Variants in ADAM19 observed in about 807,000 individuals in gnomAD.
ADAM19 encodes the protein disintegrin and metalloproteinase domain-containing protein 19.
A neutral mutation model predicts 114.7 loss-of-function variants in ADAM19; 65 were observed. That is an observed-to-expected ratio of 0.57 (90% CI 0.46 to 0.70). ADAM19 has a LOEUF of 0.70. Among genes scored for constraint, ADAM19 ranks in the 30% least tolerant of loss-of-function variants. ADAM19 has a pLI of 0.00. For missense variants in ADAM19, 1,063 were observed against 1,204.7 expected (o/e 0.88, Z 1.74); for synonymous variants, 466 against 460.5 (o/e 1.01, Z -0.15).
chr5:157,563,751 C>T (rs1757575428), intron 3 of ADAM19, among the ~76,000 whole-genome samples: 1 of 152,172 alleles, frequency 6.6e-6, no homozygotes, highest in East Asian at 1.9e-4. Flanking sequence ...TTCACCTCCT[C>T]CATTACATGA....
At chr5:157,483,990 A>G (rs747622954) in intron 21 of ADAM19, among the ~76,000 whole-genome samples, 14 of 151,572 alleles carry the variant, frequency 9.2e-5, no homozygotes, top group Non-Finnish European at 1.8e-4. Context: ...TTGCCTGTTA[A>G]GATTAAAACA....
intron 1 of ADAM19, among the ~76,000 whole-genome samples, chr5:157,571,405 C>T (rs1757824271): frequency 6.6e-6 from 1 of 152,074 alleles, no homozygotes; most frequent in Admixed American, 6.6e-5. Context: ...AGTGCAATGG[C>T]CCTGCCTGAG....
intron 4 of ADAM19, among the ~76,000 whole-genome samples, chr5:157,532,038 C>T (rs569459869): frequency 5.3e-4 from 80 of 152,338 alleles, no homozygotes; most frequent in Non-Finnish European, 9.6e-4. Flanking sequence ...AGGAAACAAA[C>T]ACTCCCTACT....
intron 5 of ADAM19, among the ~76,000 whole-genome samples, chr5:157,524,744 G>T (rs1364119342): frequency 6.6e-6 from 1 of 152,172 alleles, no homozygotes; most frequent in Non-Finnish European, 1.5e-5. Context: ...TCAAACTCTG[G>T]CTGTGCTGTC....
At chr5:157,519,262 T>C (rs1437705962) in intron 6 of ADAM19, among the ~76,000 whole-genome samples, 1 of 152,240 alleles carries the variant, frequency 6.6e-6, no homozygotes, top group Non-Finnish European at 1.5e-5. Context: ...ATATGAGGAC[T>C]GTGTGCATAT....
At chr5:157,517,429 G>A (rs1393321307) in intron 7 of ADAM19, among the ~76,000 whole-genome samples, 1 of 152,188 alleles carries the variant, frequency 6.6e-6, no homozygotes, top group East Asian at 1.9e-4. Context: ...GTACTTATAT[G>A]ATGGAGTCAC....
intron 15 of ADAM19, among the ~76,000 whole-genome samples, chr5:157,494,166 AGATGGATG>A (rs34885698): frequency 8.6e-5 from 13 of 151,460 alleles, no homozygotes; most frequent in Non-Finnish European, 1.9e-4. Flanking sequence ...ATGGACGGAC[AGATGGATG>A]GATGGATGGA....
intron 3 of ADAM19, among the ~76,000 whole-genome samples, chr5:157,551,793 C>T (rs1757205608): frequency 6.6e-6 from 1 of 151,782 alleles, no homozygotes; most frequent in Admixed American, 6.6e-5. Context: ...CAAAAGAAGG[C>T]ATAAAAATGG....
rs775734851 is a variant in ADAM19 at position 157,519,823 on chromosome 5, G to C, written c.600+16C>G. 8 of 1,597,142 alleles carry C rather than the reference G, an allele frequency of 5.0e-6. No homozygotes were observed. In the Admixed American group the frequency reaches 6.9e-5, roughly 14 times the overall value. On this transcript the variant is annotated intron_variant, in intron 6 of 22. Coordinates refer to ENST00000257527, the MANE Select transcript of ADAM19 (RefSeq NM_033274.5). ...GTCCCCAGGTTGATTTCTGCACTGAGAGCCTCAAAACTCACCCTGCGAGGT... is the reference window on the plus strand; with the variant it reads ...GTCCCCAGGTTGATTTCTGCACTGACAGCCTCAAAACTCACCCTGCGAGGT...
At chr5:157,554,561 T>G (rs540418267) in intron 3 of ADAM19, among the ~76,000 whole-genome samples, 6 of 152,234 alleles carry the variant, frequency 3.9e-5, no homozygotes, top group African/African-American at 1.4e-4. Context: ...TAGGTCAAAC[T>G]GGGCATCGCT....
At chr5:157,526,917 G>A (rs1317914507) in intron 5 of ADAM19, among the ~76,000 whole-genome samples, 1 of 152,048 alleles carries the variant, frequency 6.6e-6, no homozygotes, top group East Asian at 1.9e-4. Flanking sequence ...CACCGCGCCT[G>A]GCCTATTGGT....
intron 4 of ADAM19, among the ~76,000 whole-genome samples, chr5:157,533,036 C>A (rs1756668011): frequency 6.6e-6 from 1 of 152,166 alleles, no homozygotes; most frequent in African/African-American, 2.4e-5. Context: ...AATATGGCCT[C>A]AAGGCGCCTG....
At chr5:157,509,643 G>A (rs1322629797) in intron 8 of ADAM19, among the ~76,000 whole-genome samples, 176 bp from the exon 9 acceptor site, 1 of 152,184 alleles carries the variant, frequency 6.6e-6, no homozygotes, top group Admixed American at 6.5e-5. Context: ...ACAGATACCA[G>A]ATTTCTCTTC....
Position 157,491,899 on chromosome 5 carries a change from C to T in ADAM19, c.1922G>A (p.Gly641Glu). ...AAAGAAGGAGGTGTTCCTGCACTGC[C>T]CCTCAAAGCAAATCTGCACGGAGAG... is the stretch of plus-strand genomic sequence containing the variant. ...KCGYNHICFE[G>E]QCRNTSFFET... The change falls in exon 17 of 23, where the codon GGG becomes GAG. Residue 641 changes from glycine to glutamate, a missense_variant. Physicochemically the swap from Gly to Glu is moderately conservative, Grantham distance 98. Around this residue, in one of 3 missense-constraint regions of ADAM19, gnomAD observed 424 missense variants for 445.5 expected, o/e 0.95. Coordinates refer to ENST00000257527, the MANE Select transcript of ADAM19 (RefSeq NM_033274.5). The T allele has an allele frequency of 2.5e-6, 4 of 1,614,170 alleles. No individual in the cohort carries two copies. The highest frequency in any genetic ancestry group is 3.4e-6 in the Non-Finnish European group (4 of 1,180,034).
chr5:157,529,109 A>T (rs1756554801), intron 5 of ADAM19, among the ~76,000 whole-genome samples: 1 of 152,194 alleles, frequency 6.6e-6, no homozygotes, highest in South Asian at 2.1e-4. Context: ...TTGTCAGCAT[A>T]TTGGCAGATG....
At chr5:157,499,754 A>C in intron 12 of ADAM19, 92 bp from the exon 13 acceptor site, 2 of 725,778 alleles carry the variant, frequency 2.8e-6, no homozygotes, top group African/African-American at 1.9e-5. Flanking sequence ...CTGGAACCCC[A>C]GCTCTCTAGC....
intron 21 of ADAM19, among the ~76,000 whole-genome samples, chr5:157,485,668 C>T (rs1462840468): frequency 1.3e-5 from 2 of 152,204 alleles, no homozygotes; most frequent in Admixed American, 6.5e-5. Flanking sequence ...TTCCTTCAAT[C>T]CACAGGGCCC....
At position 157,514,508 on chromosome 5, in the gene ADAM19, G is replaced by C. The variant is rs150023036; in HGVS notation, c.667-1003C>G. Among the ~76,000 whole-genome samples, 53 of 152,094 alleles carry C rather than the reference G, an allele frequency of 3.5e-4. 1 individual carries two copies. The East Asian group carries it at 9.7e-3, about 28-fold the overall frequency. On this transcript the variant is annotated intron_variant, in intron 7 of 22. Coordinates refer to ENST00000257527, the MANE Select transcript of ADAM19 (RefSeq NM_033274.5). ...TGGCCAGCTAATTTTTGTATTTTTA[G>C]TAATGATGGGGTTTCACCATGTTGG...
chr5:157,499,771 CTCTTTTT>C, intron 12 of ADAM19, 109 bp from the exon 13 acceptor site: 3 of 541,762 alleles, frequency 5.5e-6, no homozygotes, highest in Non-Finnish European at 9.8e-6. Context: ...TAGCAACTAT[CTCTTTTT>C]TTTTTTTTTT....
Sources: gnomAD v4.1 joint callset for allele counts (sites outside exome capture counted in the v4.1 genomes callset) on GRCh38, gnomAD v4.1.1 for gene constraint, gnomAD v4.1.1 regional missense constraint, MANE v1.5 for transcripts, NCBI Gene and HGNC (gene_info 2026-07-23, HGNC 2026-07-21) for gene names.